Variants in PRKACB observed in about 807,000 individuals in gnomAD.
PRKACB encodes the protein cAMP-dependent protein kinase catalytic subunit beta.
PRKACB carries 16 observed loss-of-function variants against 51.4 expected under a neutral mutation model. The observed-to-expected ratio is 0.31, with a 90% confidence interval of 0.21 to 0.47. PRKACB has a LOEUF of 0.47. Ranked by LOEUF, PRKACB falls within the 20% of genes least tolerant of loss-of-function variation. The pLI is 1.00. For missense variants in PRKACB, 309 were observed against 464.5 expected, an observed-to-expected ratio of 0.67 and a Z score of 3.08; for synonymous variants, 147 against 154.4, an observed-to-expected ratio of 0.95 and a Z score of 0.35.
At chr1:84,101,682 CAAG>C (rs1649361812) in intron 1 of PRKACB, among the ~76,000 whole-genome samples, 1 of 152,090 alleles carries the variant, frequency 6.6e-6, no homozygotes, top group Admixed American at 6.6e-5. Flanking sequence ...AAATCAAAGG[CAAG>C]AAGATGGTTG....
chr1:84,173,301 T>G, intron 1 of PRKACB: 2 of 1,547,598 alleles, frequency 1.3e-6, no homozygotes, highest in Non-Finnish European at 1.8e-6. Flanking sequence ...ATGTGTTATT[T>G]AATCTCTGTT....
intron 1 of PRKACB, among the ~76,000 whole-genome samples, chr1:84,106,206 A>T (rs1006074320): frequency 1.3e-5 from 2 of 152,088 alleles, no homozygotes; most frequent in Non-Finnish European, 2.9e-5. Context: ...ATCCTGTTTA[A>T]AAGTATATGG....
chr1:84,121,317 TG>T (rs1249952573), intron 1 of PRKACB, among the ~76,000 whole-genome samples: 4 of 152,066 alleles, frequency 2.6e-5, no homozygotes, highest in East Asian at 1.9e-4. Flanking sequence ...AAATTTATCT[TG>T]TTTTTTTAAT....
rs1654398205 is a variant in PRKACB at position 84,148,384 on chromosome 1, A to G, written c.187+3836A>G. Among the ~76,000 whole-genome samples the G allele has an allele frequency of 1.3e-5, 2 of 151,592 alleles. 1 individual carries two copies. The highest frequency in any genetic ancestry group is 2.9e-5 in the Non-Finnish European group (2 of 67,908). On this transcript the variant is annotated intron_variant, in intron 1 of 9. Transcript: ENST00000370685. The stretch of plus-strand genomic sequence containing the variant: ...ATAGTATTTATATGGTATAGTTTGT[A>G]TACTATATATATTATAGTTTATAAT...
chr1:84,161,935 T>C (rs1179811965), intron 1 of PRKACB, among the ~76,000 whole-genome samples: 1 of 152,014 alleles, frequency 6.6e-6, no homozygotes, highest in Non-Finnish European at 1.5e-5. Context: ...TTTCTGTCAA[T>C]TTGAGCTGTT....
intron 9 of PRKACB, among the ~76,000 whole-genome samples, chr1:84,225,151 C>A (rs1041588508): frequency 6.6e-6 from 1 of 152,156 alleles, no homozygotes; most frequent in Non-Finnish European, 1.5e-5. Context: ...CTCTGGTAGG[C>A]AGGGAAGGAC....
At chr1:84,096,215 T>C (rs1358226742) in intron 1 of PRKACB, among the ~76,000 whole-genome samples, 1 of 152,046 alleles carries the variant, frequency 6.6e-6, no homozygotes, top group Non-Finnish European at 1.5e-5. Context: ...GGCCTGGTGG[T>C]GTTTATCAGG....
rs1347501164 is a variant in PRKACB, at chr1:84,180,204, A to ATATATATATATATATG, written c.249+971_249+972insATATATATATGTATAT. Among the ~76,000 whole-genome samples the ATATATATATATATATG allele has an allele frequency of 2.3e-3, 279 of 123,992 alleles. 6 individuals carry two copies. Among genetic ancestry groups the ATATATATATATATATG allele is most frequent in the African/African-American group, 7.5e-3 (263 of 34,970 alleles). 81.3% of individuals were successfully genotyped at this position (123,992 alleles called of 152,430 possible). On this transcript the variant is annotated intron_variant, in intron 2 of 9. Coordinates refer to ENST00000370685, the MANE Select transcript of PRKACB (RefSeq NM_182948.4). ...CTGTGATATATATATATATATATAT[A>ATATATATATATATATG]TATATGTATGATGGAGTACTATGCA...
chr1:84,122,274 A>C (rs1651147364), intron 1 of PRKACB, among the ~76,000 whole-genome samples: 1 of 152,176 alleles, frequency 6.6e-6, no homozygotes, highest in Admixed American at 6.5e-5. Context: ...TGGTCACCTG[A>C]TAGAAAAATA....
intron 1 of PRKACB, among the ~76,000 whole-genome samples, chr1:84,089,734 C>G (rs907141538): frequency 6.6e-6 from 1 of 152,082 alleles, no homozygotes; most frequent in Non-Finnish European, 1.5e-5. Context: ...CTAGTCTTGC[C>G]AAAGACCTTG....
rs193287539 is a variant in PRKACB at position 84,234,920 on chromosome 1, C to T, written c.1072-260C>T. Among the ~76,000 whole-genome samples the T allele has an allele frequency of 2.9e-4, 44 of 152,278 alleles. 1 individual carries two copies. The East Asian group carries it at 6.8e-3, about 23-fold the overall frequency. ...GCTGTAGACCGTACCTGTTCCTATT[C>T]GGCCATCTTGGCTTCTCCTCTTATC... On this transcript the variant is annotated intron_variant, in intron 9 of 9. Transcript: ENST00000370685.
chr1:84,086,972 A>G (rs1648058369), intron 1 of PRKACB, among the ~76,000 whole-genome samples: 1 of 152,252 alleles, frequency 6.6e-6, no homozygotes, highest in South Asian at 2.1e-4. Flanking sequence ...TGCACCTAAA[A>G]AGACAAATTT....
intron 1 of PRKACB, among the ~76,000 whole-genome samples, chr1:84,172,893 T>G (rs1660002876): frequency 6.6e-6 from 1 of 151,708 alleles, no homozygotes; most frequent in Non-Finnish European, 1.5e-5. Flanking sequence ...GAAAGACTAA[T>G]TAATCATCTT....
At chr1:84,182,449 T>A in intron 3 of PRKACB, 121 bp downstream of exon 3, 1 of 747,788 alleles carries the variant, frequency 1.3e-6, no homozygotes, top group Non-Finnish European at 1.8e-6. Context: ...TTATTAAATT[T>A]AATTTTTATT....
chr1:84,092,546 A>T (rs1648561614), intron 1 of PRKACB, among the ~76,000 whole-genome samples: 1 of 152,092 alleles, frequency 6.6e-6, no homozygotes, highest in Admixed American at 6.6e-5. Flanking sequence ...TTATGTATAC[A>T]CTCATACATA....
At chr1:84,127,997 C>CT (rs202007529) in intron 1 of PRKACB, among the ~76,000 whole-genome samples, 8 of 128,892 alleles carry the variant, frequency 6.2e-5, no homozygotes, top group Non-Finnish European at 1.1e-4. Context: ...TATTTCTTTT[C>CT]TTTTTTTTTC....
intron 9 of PRKACB, among the ~76,000 whole-genome samples, chr1:84,221,112 A>G (rs1472792995): frequency 6.6e-6 from 1 of 151,984 alleles, no homozygotes; most frequent in Non-Finnish European, 1.5e-5. Flanking sequence ...TTTATTACAT[A>G]TTCAATCTGT....
chr1:84,214,442 G>A (rs1672582668), intron 9 of PRKACB, 125 bp downstream of exon 9: 4 of 956,390 alleles, frequency 4.2e-6, no homozygotes, highest in Non-Finnish European at 4.4e-6. Flanking sequence ...TCTTGTGCAG[G>A]ATCTAAAGTA....
chr1:84,153,451 A>T (rs978446901), intron 1 of PRKACB, among the ~76,000 whole-genome samples: 6 of 150,122 alleles, frequency 4.0e-5, no homozygotes, highest in Non-Finnish European at 8.9e-5. Flanking sequence ...TGCCTGTATT[A>T]ATGCATTATT....
Sources: allele counts gnomAD v4.1 joint callset (sites outside exome capture counted in the v4.1 genomes callset), GRCh38; gene constraint gnomAD v4.1.1; transcripts MANE v1.5; gene names NCBI Gene and HGNC (gene_info 2026-07-23, HGNC 2026-07-21).